LAMA1: variants seen among roughly 807,000 people sequenced by gnomAD.
LAMA1 encodes the protein laminin subunit alpha 1, also known as laminin subunit alpha-1.
A neutral mutation model predicts 348.7 loss-of-function variants in LAMA1; 219 were observed. The observed-to-expected ratio is 0.63, with a 90% CI of 0.56 to 0.70. The LOEUF is 0.70. Ranked by LOEUF, LAMA1 falls within the 30% of genes least tolerant of loss-of-function variation. LAMA1 has a pLI of 0.00. For missense variants in LAMA1, 3,744 were observed against 3,888.0 expected (o/e 0.96, Z 0.99); for synonymous variants, 1,487 against 1,491.0 (o/e 1.00, Z 0.06).
At position 7,010,323 on chromosome 18, in the gene LAMA1, G is replaced by T; in HGVS notation, c.3750C>A (p.Gly1250=). ...GAACTTGAGGCTCAAAATTGGAGGTGCCGACGCCATCCAAAGAATAGAAGG... is the reference window on the plus strand; with the variant it reads ...GAACTTGAGGCTCAAAATTGGAGGTTCCGACGCCATCCAAAGAATAGAAGG... ...SVAFYSLDGV[G]TSNFEPQVLI... is the part of the protein sequence containing the mutation. Residue 1250 remains glycine, a synonymous_variant, in exon 26 of 63, where the codon GGC becomes GGA. Coordinates refer to ENST00000389658, the MANE Select transcript of LAMA1 (RefSeq NM_005559.4). 2 of 1,614,144 alleles carry T rather than the reference G, an allele frequency of 1.2e-6. No individual in the cohort carries two copies. The highest frequency in any genetic ancestry group is 1.7e-6 in the Non-Finnish European group (2 of 1,180,028).
At chr18:7,093,372 C>T (rs188797013) in intron 1 of LAMA1, among the ~76,000 whole-genome samples, 22 of 151,948 alleles carry the variant, frequency 1.4e-4, no homozygotes, top group Admixed American at 5.2e-4. Flanking sequence ...TCCAAGATCG[C>T]GCCACTGCAC....
intron 58 of LAMA1, 83 bp from the exon 59 acceptor site, chr18:6,949,342 A>T: frequency 7.5e-7 from 1 of 1,325,530 alleles, no homozygotes; most frequent in Non-Finnish European, 1.1e-6. Flanking sequence ...CAGATGCAAC[A>T]TCTGTTTCTG....
intron 36 of LAMA1, among the ~76,000 whole-genome samples, chr18:6,990,337 GGGTAAC>G (rs1432300864): frequency 1.3e-5 from 2 of 152,172 alleles, no homozygotes; most frequent in African/African-American, 2.4e-5. Context: ...GACCTCAGAA[GGGTAAC>G]GGTGGGAGGG....
In LAMA1 at chr18:6,971,931, G is replaced by A. The variant is rs757020708; in HGVS notation, c.6825C>T (p.Ala2275=). The A allele has an allele frequency of 1.2e-6, 2 of 1,614,084 alleles. No homozygotes were observed. Among genetic ancestry groups the A allele is most frequent in the South Asian group, 1.1e-5 (1 of 91,072 alleles). Residue 2275 remains alanine, a synonymous_variant, in exon 48 of 63, where the codon GCC becomes GCT. Coordinates refer to ENST00000389658, the MANE Select transcript of LAMA1 (RefSeq NM_005559.4). ...GGCCTATGGATTTTCCATTCAGGAA[G>A]GCCTCCCCCAAGCAGCCTTTAAAAT... is the stretch of plus-strand genomic sequence containing the variant. ...VTHFKGCLGE[A]FLNGKSIGLW... is the part of the protein sequence containing the mutation.
chr18:7,073,791 T>C (rs1254983965), intron 3 of LAMA1, among the ~76,000 whole-genome samples: 1 of 152,034 alleles, frequency 6.6e-6, no homozygotes, highest in African/African-American at 2.4e-5. Context: ...GCTGTAATTC[T>C]ATGTTTATTT....
intron 3 of LAMA1, among the ~76,000 whole-genome samples, chr18:7,068,876 C>T (rs1487565408): frequency 6.6e-6 from 1 of 151,778 alleles, no homozygotes; most frequent in Non-Finnish European, 1.5e-5. Flanking sequence ...AAAACTTACC[C>T]CTTTTTTTCA....
chr18:7,039,090 A>C, intron 10 of LAMA1, 140 bp from the exon 11 acceptor site: 1 of 758,936 alleles, frequency 1.3e-6, no homozygotes, highest in Admixed American at 1.9e-5. Flanking sequence ...GGCCTCATAA[A>C]GTCAATATTT....
chr18:7,046,474 T>C, intron 5 of LAMA1, 107 bp from the exon 6 acceptor site: 1 of 643,696 alleles, frequency 1.6e-6, no homozygotes, highest in Non-Finnish European at 2.8e-6. Context: ...TTTTTATTGG[T>C]AATCTAAAAT....
In LAMA1 at chr18:6,973,047, G is replaced by A. The variant is rs780381451; in HGVS notation, c.6774+10C>T. ...ATCAGTCCTGTTCAGAAGAACTTTC[G>A]TAATGTTACCTTGATTTGTCCTCCA... On this transcript the variant is annotated intron_variant, in intron 47 of 62. Coordinates refer to ENST00000389658, the MANE Select transcript of LAMA1 (RefSeq NM_005559.4). The A allele has an allele frequency of 5.3e-5, 85 of 1,613,804 alleles. No individual in the cohort carries two copies. Among genetic ancestry groups the A allele is most frequent in the Admixed American group, 1.2e-4 (7 of 59,996 alleles).
At chr18:6,965,256 C>T (rs1412711916) in intron 50 of LAMA1, 32 bp downstream of exon 50, 9 of 1,613,734 alleles carry the variant, frequency 5.6e-6, no homozygotes, top group East Asian at 2.2e-5. Context: ...ATGAGGGTGA[C>T]CGACATCTGG....
intron 4 of LAMA1, among the ~76,000 whole-genome samples, chr18:7,049,694 A>G (rs959357625): frequency 7.9e-5 from 12 of 152,228 alleles, no homozygotes; most frequent in Non-Finnish European, 1.2e-4. Flanking sequence ...AAAACAAAAC[A>G]ACTAGCTTCT....
chr18:6,941,877 G>T lies in LAMA1; in HGVS notation c.*202C>A, dbSNP rs574578811. On this transcript the variant is annotated 3_prime_UTR_variant, in exon 63 of 63. Coordinates refer to ENST00000389658, the MANE Select transcript of LAMA1 (RefSeq NM_005559.4). ...AAAATACGTTTAAAAAGAGAGCCAG[G>T]GAATTCAATTTACATTTTAGACCAT... The T allele has an allele frequency of 6.5e-6, 4 of 613,320 alleles. No homozygotes were observed. Among genetic ancestry groups the T allele is most frequent in the South Asian group, 5.8e-5 (3 of 51,514 alleles). The allele number at this position is 613,320 out of a possible 1,614,324, so 38.0% of individuals were successfully genotyped here. A position where few individuals can be genotyped will look rare whatever the true frequency, so the allele number is the denominator to read the frequency against.
In LAMA1 at chr18:6,996,495, G is replaced by A. The variant is rs192465839; in HGVS notation, c.4807-1049C>T. On this transcript the variant is annotated intron_variant, in intron 33 of 62. Transcript: ENST00000389658. ...TTCCAATTAGAATTAAAAGTAGGTCGGGCGTGGTAGCTCATGCCTATAATC... is the reference window on the plus strand; with the variant it reads ...TTCCAATTAGAATTAAAAGTAGGTCAGGCGTGGTAGCTCATGCCTATAATC... 6.8e-4 allele frequency among the ~76,000 whole-genome samples: 103 copies of A among 152,218 alleles called. 1 individual carries two copies. In the South Asian group the frequency reaches 0.021, roughly 30 times the overall value.
At chr18:7,029,537 T>C (rs1012123106) in intron 16 of LAMA1, among the ~76,000 whole-genome samples, 23 of 152,178 alleles carry the variant, frequency 1.5e-4, no homozygotes, top group African/African-American at 4.1e-4. Flanking sequence ...GAAACTAGTA[T>C]GTAGTTCTGT....
rs1239387890 is a variant in LAMA1 at position 6,971,952 on chromosome 18, A to G, written c.6804T>C (p.Phe2268=). ...KKSPAVKVTH[F]KGCLGEAFLN... ...GGAAGGCCTCCCCCAAGCAGCCTTT[A>G]AAATGAGTAACCTTCACAGCAGGAG... The change falls in exon 48 of 63, where the codon TTT becomes TTC. Residue 2268 remains phenylalanine (F), a synonymous_variant. Transcript: ENST00000389658. The G allele has an allele frequency of 6.2e-7, 1 of 1,614,130 alleles. No individual in the cohort carries two copies. Among genetic ancestry groups the G allele is most frequent in the South Asian group, 1.1e-5 (1 of 91,086 alleles).
intron 50 of LAMA1, 22 bp downstream of exon 50, chr18:6,965,266 G>A (rs1429573783): frequency 2.5e-6 from 4 of 1,613,946 alleles, no homozygotes; most frequent in Non-Finnish European, 2.5e-6. Context: ...CCGACATCTG[G>A]TGAGTCCATC....
intron 1 of LAMA1, among the ~76,000 whole-genome samples, chr18:7,100,330 T>C (rs1598320268): frequency 6.6e-6 from 1 of 152,296 alleles, no homozygotes; most frequent in Non-Finnish European, 1.5e-5. Flanking sequence ...ACTCACTGTA[T>C]GTCTATCATC....
intron 1 of LAMA1, among the ~76,000 whole-genome samples, chr18:7,081,504 C>G (rs1363454705): frequency 6.6e-6 from 1 of 152,124 alleles, no homozygotes. Context: ...AAATGCTTTT[C>G]AAGTCATTAT....
At chr18:7,026,175 C>T (rs1452963744) in intron 16 of LAMA1, 69 bp from the exon 17 acceptor site, 2 of 1,561,032 alleles carry the variant, frequency 1.3e-6, no homozygotes, top group East Asian at 2.3e-5. Flanking sequence ...CTATAAGCAA[C>T]TTGAAGTCCA....
Sources: gnomAD v4.1 joint callset for allele counts (sites outside exome capture counted in the v4.1 genomes callset) on GRCh38, gnomAD v4.1.1 for gene constraint, MANE v1.5 for transcripts, NCBI Gene and HGNC (gene_info 2026-07-23, HGNC 2026-07-21) for gene names.